SETMAR: variants seen among roughly 807,000 people sequenced by gnomAD.
SETMAR encodes SET and mariner transposase domain methyltransferase.
Under a neutral mutation model 58.4 loss-of-function variants are expected in SETMAR, and 44 were observed. The ratio of observed to expected loss-of-function variants is 0.75; its 90% confidence interval spans 0.59 to 0.97. The LOEUF is 0.97. SETMAR is among the 50% of genes least tolerant of loss of function. The pLI is 0.00. For synonymous variants in SETMAR, 332 were observed against 307.4 expected, an observed-to-expected ratio of 1.08 and a Z score of -0.84; for missense variants, 903 against 840.2, an observed-to-expected ratio of 1.07 and a Z score of -0.92.
chr3:4,306,117 C>T (rs943219770), intron 1 of SETMAR, among the ~76,000 whole-genome samples: 2 of 152,140 alleles, frequency 1.3e-5, no homozygotes, highest in Non-Finnish European at 2.9e-5. Flanking sequence ...ACAACTGTCA[C>T]GATTAGCTTC....
chr3:4,316,466 C>A lies in SETMAR; in HGVS notation c.1275C>A (p.Pro425=), dbSNP rs1453514121. Residue 425 remains proline (P), a synonymous_variant, in exon 3 of 3, where the codon CCC becomes CCA. Transcript: ENST00000358065. The stretch of plus-strand genomic sequence containing the variant: ...TGAGAGCAATCATCGAAGCTGATCC[C>A]CTTACAACTACACGAGAAGTTGCTG... The part of the protein sequence containing the change: ...DQLRAIIEAD[P]LTTTREVAEE... The A allele has an allele frequency of 1.2e-6, 2 of 1,604,626 alleles. No homozygotes were observed. The highest frequency in any genetic ancestry group is 1.7e-6 in the Non-Finnish European group (2 of 1,175,734).
At chr3:4,308,391 GAAAT>G (rs1424444328) in intron 1 of SETMAR, among the ~76,000 whole-genome samples, 1 of 150,328 alleles carries the variant, frequency 6.7e-6, no homozygotes, top group Non-Finnish European at 1.5e-5. Context: ...AGAAACCTAT[GAAAT>G]AAATAAGATG....
rs1322027327 is a variant in SETMAR, at chr3:4,316,748, G to T, written c.1557G>T (p.Lys519Asn). The change falls in exon 3 of 3, where the codon AAG (lysine) becomes AAT (asparagine). Residue 519 changes from lysine to asparagine, a missense_variant. Physicochemically the swap from Lys to Asn is moderately conservative, Grantham distance 94. Coordinates refer to ENST00000358065, the MANE Select transcript of SETMAR (RefSeq NM_006515.4). Reference sequence around the variant, plus strand: ...GGTTGGATCAAGAAGAAGCTCCAAAGCACTTCCCAAAGCCAATCTTGCACC... The same window carrying T: ...GGTTGGATCAAGAAGAAGCTCCAAATCACTTCCCAAAGCCAATCTTGCACC... The part of the protein sequence containing the change: ...AQWLDQEEAP[K>N]HFPKPILHPK... 6.4e-7 allele frequency: 1 copy of T among 1,550,748 alleles called. No homozygotes were observed. Among genetic ancestry groups the T allele is most frequent in the Admixed American group, 2.0e-5 (1 of 50,964 alleles).
intron 1 of SETMAR, among the ~76,000 whole-genome samples, chr3:4,312,133 T>C (rs7634802): frequency 0.16 from 24,377 of 152,194 alleles, 2,154 homozygotes; most frequent in Middle Eastern, 0.22. Context: ...TCTAGTAATA[T>C]CTATTTAAGA....
At position 4,303,500 on chromosome 3, in the gene SETMAR, C is replaced by A; in HGVS notation, c.130C>A (p.Pro44Thr). The change falls in exon 1 of 3, where the codon CCG (proline) becomes ACG (threonine). Residue 44 changes from proline (P) to threonine (T), a missense_variant. Pro to Thr is a conservative substitution (Grantham distance 38). Transcript: ENST00000358065. ...QENLPVGAWP[P>T]GAAPAPFQYT... ...AAACTTGCCGGTGGGCGCGTGGCCC[C>A]CGGGGGCCGCGCCGGCGCCCTTCCA... 6.8e-7 allele frequency: 1 copy of A among 1,460,192 alleles called. No homozygotes were observed. The highest frequency in any genetic ancestry group is 9.0e-7 in the Non-Finnish European group (1 of 1,112,064). The allele number at this position is 1,460,192 out of a possible 1,614,324, so 90.5% of individuals were successfully genotyped here.
In SETMAR at chr3:4,312,964, TG is replaced by T. The variant is rs1559217417; in HGVS notation, c.224del (p.Cys75SerfsTer31). On this transcript the variant is annotated frameshift_variant, in exon 2 of 3. Coordinates refer to ENST00000358065, the MANE Select transcript of SETMAR (RefSeq NM_006515.4). LOFTEE classifies it high-confidence loss of function. ...TCCCACTCAAATAACCTTTCCCGGA[TG>T]CATTTGTGTCAAAACTCCCTGCCTC... Reference protein sequence around the residue: ...IDPTQITFPGCICVKTPCLPG... With the variant: ...IDPTQITFPGXICVKTPCLPG... 6.2e-7 allele frequency: 1 copy of T among 1,613,998 alleles called. No homozygotes were observed. The highest frequency in any genetic ancestry group is 1.1e-5 in the South Asian group (1 of 91,070).
intron 1 of SETMAR, chr3:4,303,815 G>C (rs1309468875): frequency 2.2e-5 from 30 of 1,382,450 alleles, no homozygotes; most frequent in Non-Finnish European, 2.8e-5. Flanking sequence ...CAGAACTCAA[G>C]GAGGCATCAC....
At position 4,317,147 on chromosome 3, in the gene SETMAR, C is replaced by G. The variant is rs1310506493; in HGVS notation, c.1956C>G (p.Phe652Leu). 1 of 1,547,388 alleles carries G rather than the reference C, an allele frequency of 6.5e-7. No homozygotes were observed. Among genetic ancestry groups the G allele is most frequent in the Admixed American group, 2.0e-5 (1 of 50,958 alleles). ...ATGCAGAAAATGCTTTCCAAGAGTTCGTCGAATCCCAAAGCACGGATTTTT... is the reference window on the plus strand; with the variant it reads ...ATGCAGAAAATGCTTTCCAAGAGTTGGTCGAATCCCAAAGCACGGATTTTT... ...QQDAENAFQEFVESQSTDFYA... is the reference protein window; with the variant it reads ...QQDAENAFQELVESQSTDFYA... Residue 652 changes from phenylalanine (F) to leucine (L), a missense_variant, in exon 3 of 3, where the codon TTC (phenylalanine) becomes TTG (leucine). Physicochemically the swap from Phe to Leu is conservative, Grantham distance 22. Coordinates refer to ENST00000358065, the MANE Select transcript of SETMAR (RefSeq NM_006515.4).
intron 1 of SETMAR, among the ~76,000 whole-genome samples, chr3:4,309,701 G>A (rs1391484748): frequency 6.6e-6 from 1 of 152,146 alleles, no homozygotes; most frequent in East Asian, 1.9e-4. Context: ...GCAGAACTTG[G>A]AAATGCCAGG....
chr3:4,304,662 AT>A (rs1435167727), intron 1 of SETMAR, among the ~76,000 whole-genome samples: 1 of 152,232 alleles, frequency 6.6e-6, no homozygotes, highest in Non-Finnish European at 1.5e-5. Context: ...ATTATCAACA[AT>A]GAACCCTATC....
At chr3:4,303,648 G>C (rs777287432) in intron 1 of SETMAR, 122 bp downstream of exon 1, 35 of 1,431,218 alleles carry the variant, frequency 2.4e-5, no homozygotes, top group South Asian at 1.0e-4. Flanking sequence ...CAGCGCACCC[G>C]TTGGTGCGCG....
chr3:4,307,634 C>A (rs757149270), intron 1 of SETMAR, among the ~76,000 whole-genome samples: 1 of 152,192 alleles, frequency 6.6e-6, no homozygotes, highest in African/African-American at 2.4e-5. Flanking sequence ...TCCAGTATAT[C>A]ATTTTGCCGT....
intron 1 of SETMAR, 136 bp downstream of exon 1, chr3:4,303,662 A>G: frequency 6.8e-7 from 1 of 1,461,580 alleles, no homozygotes; most frequent in Non-Finnish European, 9.0e-7. Context: ...GTGCGCGGGA[A>G]TAGGTGTGCA....
intron 1 of SETMAR, among the ~76,000 whole-genome samples, chr3:4,309,675 A>AG (rs1219450401): frequency 6.6e-6 from 1 of 152,188 alleles, no homozygotes; most frequent in Non-Finnish European, 1.5e-5. Context: ...CACACTCAGT[A>AG]GGCCTCATCT....
At position 4,303,512 on chromosome 3, in the gene SETMAR, C is replaced by G; in HGVS notation, c.142C>G (p.Pro48Ala). The change falls in exon 1 of 3, where the codon CCG becomes GCG. Residue 48 changes from proline (P) to alanine (A), a missense_variant. Physicochemically the swap from Pro to Ala is conservative, Grantham distance 27 (BLOSUM62 -1). Transcript: ENST00000358065. ...GGGCGCGTGGCCCCCGGGGGCCGCG[C>G]CGGCGCCCTTCCAGGTAGGGGCGGG... Reference protein sequence around the residue: ...PVGAWPPGAAPAPFQYTPDHV... With the variant: ...PVGAWPPGAAAAPFQYTPDHV... 2 of 1,438,398 alleles carry G rather than the reference C, an allele frequency of 1.4e-6. No homozygotes were observed. The highest frequency in any genetic ancestry group is 1.8e-6 in the Non-Finnish European group (2 of 1,101,172). The allele number at this position is 1,438,398 out of a possible 1,614,324, so 89.1% of individuals were successfully genotyped here.
rs765416778 is a variant in SETMAR, at chr3:4,317,059, A to G, written c.1868A>G (p.Asn623Ser). 2 of 1,549,186 alleles carry G rather than the reference A, an allele frequency of 1.3e-6. No individual in the cohort carries two copies. The highest frequency in any genetic ancestry group is 1.2e-5 in the South Asian group (1 of 83,964). Residue 623 changes from asparagine (N) to serine (S), a missense_variant, in exon 3 of 3, where the codon AAC (asparagine) becomes AGC (serine). Transcript: ENST00000358065. Reference sequence around the variant, plus strand: ...TATTCACCTGACCTCTTGCCAACCAACTACCACGTCTTTAAGCATCTCAAC... The same window carrying G: ...TATTCACCTGACCTCTTGCCAACCAGCTACCACGTCTTTAAGCATCTCAAC... The part of the protein sequence containing the change: ...PPYSPDLLPT[N>S]YHVFKHLNNF...
In SETMAR at chr3:4,316,472, A is replaced by T; in HGVS notation, c.1281A>T (p.Thr427=). The change falls in exon 3 of 3, where the codon ACA becomes ACT. Residue 427 remains threonine, a synonymous_variant. Coordinates refer to ENST00000358065, the MANE Select transcript of SETMAR (RefSeq NM_006515.4). ...LRAIIEADPL[T]TTREVAEELN... ...CAATCATCGAAGCTGATCCCCTTAC[A>T]ACTACACGAGAAGTTGCTGAAGAAC... 1.9e-6 allele frequency: 3 copies of T among 1,604,540 alleles called. No homozygotes were observed. Among genetic ancestry groups the T allele is most frequent in the Non-Finnish European group, 1.7e-6 (2 of 1,175,580 alleles).
At chr3:4,309,856 TAC>T in intron 1 of SETMAR, among the ~76,000 whole-genome samples, 1 of 152,342 alleles carries the variant, frequency 6.6e-6, no homozygotes, top group South Asian at 2.1e-4. Context: ...ATACTTCAGA[TAC>T]AGTTATTATT....
Position 4,312,973 on chromosome 3 carries a change from G to T in SETMAR, c.232G>T (p.Val78Phe). ...AATAACCTTTCCCGGATGCATTTGT[G>T]TCAAAACTCCCTGCCTCCCTGGCAC... is the stretch of plus-strand genomic sequence containing the variant. ...TQITFPGCIC[V>F]KTPCLPGTCS... The change falls in exon 2 of 3, where the codon GTC (valine) becomes TTC (phenylalanine). Residue 78 changes from valine (V) to phenylalanine (F), a missense_variant. By Grantham distance (50) the Val-to-Phe change is conservative (BLOSUM62 -1). Coordinates refer to ENST00000358065, the MANE Select transcript of SETMAR (RefSeq NM_006515.4). 2 of 1,614,010 alleles carry T rather than the reference G, an allele frequency of 1.2e-6. No homozygotes were observed. Among genetic ancestry groups the T allele is most frequent in the Non-Finnish European group, 1.7e-6 (2 of 1,179,934 alleles).
Sources: allele counts gnomAD v4.1 joint callset (sites outside exome capture counted in the v4.1 genomes callset), GRCh38; gene constraint gnomAD v4.1.1; transcripts MANE v1.5; gene names NCBI Gene and HGNC (gene_info 2026-07-23, HGNC 2026-07-21).